MCU: variants seen among roughly 807,000 people sequenced by gnomAD.
MCU encodes the protein calcium uniporter protein, mitochondrial.
Under a neutral mutation model 45.2 loss-of-function variants are expected in MCU, and 12 were observed. The ratio of observed to expected loss-of-function variants is 0.27; its 90% CI spans 0.17 to 0.43. The LOEUF (loss-of-function observed/expected upper bound fraction) is 0.43. Among genes scored for constraint, MCU ranks in the 20% least tolerant of loss-of-function variants. The pLI is 1.00. For missense variants in MCU, 324 were observed against 436.7 expected, an observed-to-expected ratio of 0.74 and a Z score of 2.30; for synonymous variants, 160 against 165.1, an observed-to-expected ratio of 0.97 and a Z score of 0.24.
At chr10:72,708,102 A>C (rs1039748987) in intron 1 of MCU, among the ~76,000 whole-genome samples, 5 of 152,204 alleles carry the variant, frequency 3.3e-5, no homozygotes, top group African/African-American at 7.2e-5. Context: ...GCTTATTCTC[A>C]CAAGGGCCAA....
At chr10:72,854,924 C>T (rs1845264892) in intron 2 of MCU, among the ~76,000 whole-genome samples, 1 of 152,138 alleles carries the variant, frequency 6.6e-6, no homozygotes, top group South Asian at 2.1e-4. Flanking sequence ...TTTAGCAATA[C>T]TTGCTCTAGA....
chr10:72,801,059 C>T (rs1448953150), intron 1 of MCU, among the ~76,000 whole-genome samples: 1 of 152,100 alleles, frequency 6.6e-6, no homozygotes, highest in Non-Finnish European at 1.5e-5. Flanking sequence ...CACCACTGCA[C>T]CCCAGCCTGA....
rs551819906 is a variant in MCU at position 72,858,789 on chromosome 10, C to T, written c.221-388C>T. 1.8e-4 allele frequency among the ~76,000 whole-genome samples: 28 copies of T among 152,176 alleles called. 1 individual carries two copies. In the South Asian group the frequency reaches 2.5e-3, roughly 14 times the overall value. On this transcript the variant is annotated intron_variant, in intron 2 of 7. Transcript: ENST00000373053. ...TGTACTTCTTGAAAGCTCTGGATCC[C>T]GAGAGCCACGTCCTACAGGCTATGA... is the stretch of plus-strand genomic sequence containing the variant.
Position 72,836,339 on chromosome 10 carries a change from T to A in MCU, c.220+1911T>A, listed in dbSNP as rs185779468. On this transcript the variant is annotated intron_variant, in intron 2 of 7. Coordinates refer to ENST00000373053, the MANE Select transcript of MCU (RefSeq NM_138357.3). ...TCAAGTCCCATTGGTGGTTATGATATTTAGTGGCAATTAACTTGAACTAAT... is the reference window on the plus strand; with the variant it reads ...TCAAGTCCCATTGGTGGTTATGATAATTAGTGGCAATTAACTTGAACTAAT... 7.6e-4 allele frequency among the ~76,000 whole-genome samples: 115 copies of A among 152,290 alleles called. 1 individual carries two copies. The highest frequency in any genetic ancestry group is 1.3e-3 in the Non-Finnish European group (87 of 68,024).
chr10:72,776,049 C>A (rs1309379510), intron 1 of MCU, among the ~76,000 whole-genome samples: 2 of 151,740 alleles, frequency 1.3e-5, no homozygotes, highest in African/African-American at 2.4e-5. Flanking sequence ...GTGCCTGTAG[C>A]CCCAGTTATG....
At chr10:72,798,102 CAAT>C (rs142637309) in intron 1 of MCU, among the ~76,000 whole-genome samples, 1,566 of 152,020 alleles carry the variant, frequency 0.01, 24 homozygotes, top group African/African-American at 0.036. Context: ...AATACATACT[CAAT>C]GATGTATAAA....
At chr10:72,712,394 A>C (rs1033852362) in intron 1 of MCU, 3 of 152,236 alleles carry the variant, frequency 2.0e-5, no homozygotes, top group Non-Finnish European at 4.4e-5. Flanking sequence ...CATCTGCCAC[A>C]AAACAGTGAG....
At chr10:72,827,408 G>A (rs1046201573) in intron 1 of MCU, among the ~76,000 whole-genome samples, 1 of 152,096 alleles carries the variant, frequency 6.6e-6, no homozygotes, top group African/African-American at 2.4e-5. Flanking sequence ...TTTGTATTCT[G>A]TATCAAAAAA....
At chr10:72,749,990 G>C (rs1025278289) in intron 1 of MCU, among the ~76,000 whole-genome samples, 1 of 151,466 alleles carries the variant, frequency 6.6e-6, no homozygotes, top group Non-Finnish European at 1.5e-5. Context: ...ATGTTGACTG[G>C]GCTGGTCTTG....
intron 1 of MCU, among the ~76,000 whole-genome samples, chr10:72,827,231 GT>G (rs1844812403): frequency 6.6e-6 from 1 of 152,126 alleles, no homozygotes; most frequent in Admixed American, 6.5e-5. Context: ...CAAATGCTAG[GT>G]TTTATGTGAC....
At chr10:72,698,543 CG>C (rs1317551371) in intron 1 of MCU, among the ~76,000 whole-genome samples, 2 of 152,180 alleles carry the variant, frequency 1.3e-5, no homozygotes, top group Admixed American at 1.3e-4. Flanking sequence ...CTTACTCTGT[CG>C]CCCAGGCTGG....
chr10:72,708,366 T>C (rs1316568595), intron 1 of MCU: 1 of 152,218 alleles, frequency 6.6e-6, no homozygotes, highest in Non-Finnish European at 1.5e-5. Flanking sequence ...GGTCAGAGTA[T>C]TGAAGTAAGA....
chr10:72,750,615 G>A (rs1843480544), intron 1 of MCU, among the ~76,000 whole-genome samples: 1 of 152,136 alleles, frequency 6.6e-6, no homozygotes, highest in African/African-American at 2.4e-5. Context: ...TCATTTGGAG[G>A]AGATACTGAT....
chr10:72,701,810 C>T (rs940231575), intron 1 of MCU, among the ~76,000 whole-genome samples: 4 of 151,988 alleles, frequency 2.6e-5, no homozygotes, highest in Non-Finnish European at 5.9e-5. Flanking sequence ...GGATTACAGG[C>T]GTGATCCACC....
At chr10:72,874,608 A>G (rs1245533583) in intron 6 of MCU, among the ~76,000 whole-genome samples, 1 of 152,236 alleles carries the variant, frequency 6.6e-6, no homozygotes, top group Non-Finnish European at 1.5e-5. Flanking sequence ...AATAGAGAAG[A>G]AAGTAAACTG....
chr10:72,736,073 A>G (rs1418610530), intron 1 of MCU, among the ~76,000 whole-genome samples: 1 of 152,256 alleles, frequency 6.6e-6, no homozygotes, highest in Non-Finnish European at 1.5e-5. Flanking sequence ...GCAAATCAAC[A>G]CAAATTAATA....
At chr10:72,772,652 G>A (rs1003989722) in intron 1 of MCU, among the ~76,000 whole-genome samples, 29 of 152,272 alleles carry the variant, frequency 1.9e-4, no homozygotes, top group Admixed American at 1.2e-3. Context: ...AGCTGAGATC[G>A]TGCCACTGCA....
intron 1 of MCU, among the ~76,000 whole-genome samples, chr10:72,801,967 C>G (rs1844349465): frequency 6.6e-6 from 1 of 152,104 alleles, no homozygotes; most frequent in Non-Finnish European, 1.5e-5. Context: ...GCCACTGTGC[C>G]CAGACCTAGG....
At chr10:72,801,216 T>A (rs543773854) in intron 1 of MCU, among the ~76,000 whole-genome samples, 31 of 152,284 alleles carry the variant, frequency 2.0e-4, no homozygotes, top group African/African-American at 7.2e-4. Flanking sequence ...CTCTAGAAAA[T>A]TTATAGTACT....
Sources: allele counts gnomAD v4.1 joint callset (sites outside exome capture counted in the v4.1 genomes callset), GRCh38; gene constraint gnomAD v4.1.1; transcripts MANE v1.5; gene names NCBI Gene and HGNC (gene_info 2026-07-23, HGNC 2026-07-21).